Variants in LAMA2 observed in about 807,000 individuals in gnomAD.
LAMA2 encodes laminin subunit alpha-2.
In LAMA2, 269 loss-of-function variants were observed where a neutral mutation model predicts 364.8. That is an observed-to-expected ratio of 0.74 (90% CI 0.67 to 0.82). The LOEUF (loss-of-function observed/expected upper bound fraction) is 0.82, where lower values mean the gene tolerates loss of function less well. LAMA2 is among the 40% of genes least tolerant of loss of function. The probability of loss-of-function intolerance (pLI) is 0.00; values close to 1 mark genes in which losing one functional copy is unlikely to be tolerated. For synonymous variants in LAMA2, 1,379 were observed against 1,370.6 expected (o/e 1.01, Z -0.14); for missense variants, 3,807 against 3,873.2 (o/e 0.98, Z 0.45).
intron 43 of LAMA2, 146 bp from the exon 44 acceptor site, chr6:129,442,917 C>T: frequency 3.4e-6 from 2 of 585,460 alleles, no homozygotes; most frequent in Non-Finnish European, 6.0e-6. Flanking sequence ...ATAACAATTG[C>T]TTCAGTTAAA....
chr6:129,171,242 G>A (rs527268996), intron 9 of LAMA2, among the ~76,000 whole-genome samples: 225 of 152,198 alleles, frequency 1.5e-3, no homozygotes, highest in African/African-American at 5.1e-3. Flanking sequence ...TATTTTGCTC[G>A]TTAGTTGATG....
At chr6:129,123,859 AT>A (rs1402597757) in intron 4 of LAMA2, among the ~76,000 whole-genome samples, 1 of 152,130 alleles carries the variant, frequency 6.6e-6, no homozygotes, top group East Asian at 1.9e-4. Context: ...TATGCTTGAA[AT>A]TTTCCTAACA....
chr6:129,375,711 T>G (rs993106185), intron 34 of LAMA2, among the ~76,000 whole-genome samples: 1 of 152,230 alleles, frequency 6.6e-6, no homozygotes, highest in Non-Finnish European at 1.5e-5. Flanking sequence ...TAACACTTTC[T>G]TTGGTCTTCA....
At chr6:128,959,806 T>G (rs1370447660) in intron 1 of LAMA2, among the ~76,000 whole-genome samples, 1 of 152,098 alleles carries the variant, frequency 6.6e-6, no homozygotes, top group Non-Finnish European at 1.5e-5. Context: ...GGTAAACTTT[T>G]TATTGCCTCT....
intron 41 of LAMA2, among the ~76,000 whole-genome samples, chr6:129,433,083 G>C (rs1313234205): frequency 1.3e-5 from 2 of 152,158 alleles, no homozygotes; most frequent in African/African-American, 4.8e-5. Context: ...TAAGTAATCA[G>C]ATATACAGCA....
chr6:129,079,301 C>A (rs1328673017), intron 3 of LAMA2, among the ~76,000 whole-genome samples: 1 of 151,926 alleles, frequency 6.6e-6, no homozygotes, highest in African/African-American at 2.4e-5. Flanking sequence ...TCTTACTGTG[C>A]CTATTTTATA....
At chr6:129,475,087 TG>T (rs1784000919) in intron 52 of LAMA2, among the ~76,000 whole-genome samples, 1 of 152,108 alleles carries the variant, frequency 6.6e-6, no homozygotes, top group Non-Finnish European at 1.5e-5. Context: ...ATAGTGACAT[TG>T]TACATTTTCC....
intron 9 of LAMA2, among the ~76,000 whole-genome samples, chr6:129,176,554 A>G (rs538203484): frequency 7.1e-4 from 108 of 152,152 alleles, no homozygotes; most frequent in Non-Finnish European, 1.4e-3. Context: ...TTTATTTCCA[A>G]TATATTTTGT....
intron 37 of LAMA2, among the ~76,000 whole-genome samples, chr6:129,393,956 T>TG (rs1173503046): frequency 2.0e-5 from 3 of 152,218 alleles, no homozygotes; most frequent in Non-Finnish European, 4.4e-5. Context: ...CAGATAACAG[T>TG]TACTTCTCAA....
chr6:129,317,064 A>G (rs769126271), intron 27 of LAMA2, among the ~76,000 whole-genome samples: 1 of 152,148 alleles, frequency 6.6e-6, no homozygotes, highest in Non-Finnish European at 1.5e-5. Flanking sequence ...AGAGAGAATA[A>G]CTAATAGAGG....
intron 1 of LAMA2, among the ~76,000 whole-genome samples, chr6:128,907,956 G>T (rs1242740383): frequency 6.6e-6 from 1 of 152,020 alleles, no homozygotes; most frequent in African/African-American, 2.4e-5. Context: ...TGCGTATATT[G>T]AACCAGCCTT....
intron 1 of LAMA2, among the ~76,000 whole-genome samples, chr6:128,930,161 G>A (rs1779375515): frequency 6.6e-6 from 1 of 152,224 alleles, no homozygotes; most frequent in South Asian, 2.1e-4. Context: ...GCGGCACTGC[G>A]TTTGCTAGGC....
At chr6:129,237,120 A>T (rs1785047869) in intron 12 of LAMA2, among the ~76,000 whole-genome samples, 1 of 152,186 alleles carries the variant, frequency 6.6e-6, no homozygotes. Context: ...TAAGATTCTT[A>T]CCACATAAGG....
At position 129,345,166 on chromosome 6, in the gene LAMA2, C is replaced by T. The variant is rs138330919; in HGVS notation, c.4436+2699C>T. 2.6e-5 allele frequency among the ~76,000 whole-genome samples: 4 copies of T among 152,202 alleles called. No homozygotes were observed. In the East Asian group the frequency reaches 5.8e-4, roughly 22 times the overall value. On this transcript the variant is annotated intron_variant, in intron 30 of 64. Coordinates refer to ENST00000421865, the MANE Select transcript of LAMA2 (RefSeq NM_000426.4). ...TCATTTCTGAAGGAGTTCCAATGTC[C>T]AGGTTTTGATTTTGTCCCTGTCTTG...
intron 14 of LAMA2, among the ~76,000 whole-genome samples, chr6:129,257,846 T>G (rs1364554841): frequency 6.6e-6 from 1 of 152,146 alleles, no homozygotes; most frequent in Non-Finnish European, 1.5e-5. Context: ...GTAATTTGTC[T>G]TTTACTTTTC....
chr6:128,905,294 A>G (rs1777362173), intron 1 of LAMA2: 1 of 151,746 alleles, frequency 6.6e-6, no homozygotes, highest in East Asian at 1.9e-4. Flanking sequence ...ATTTATGTGG[A>G]TATGTGTAAT....
intron 17 of LAMA2, among the ~76,000 whole-genome samples, chr6:129,275,707 T>A (rs265390): frequency 0.99 from 148,184 of 150,248 alleles, 73,116 homozygotes; most frequent in Middle Eastern, 1. Context: ...ACATATCTTA[T>A]TTTGTTTAAA....
At chr6:129,201,479 C>T (rs1169440804) in intron 12 of LAMA2, among the ~76,000 whole-genome samples, 1 of 152,134 alleles carries the variant, frequency 6.6e-6, no homozygotes, top group Admixed American at 6.5e-5. Context: ...GAAACAATTC[C>T]TGAGCTGATA....
intron 4 of LAMA2, among the ~76,000 whole-genome samples, chr6:129,115,134 A>G (rs749118602): frequency 6.6e-6 from 1 of 152,070 alleles, no homozygotes; most frequent in Non-Finnish European, 1.5e-5. Flanking sequence ...GCAAAATGTT[A>G]CAGAGACACC....
Sources: allele counts gnomAD v4.1 joint callset (sites outside exome capture counted in the v4.1 genomes callset), GRCh38; gene constraint gnomAD v4.1.1; transcripts MANE v1.5; gene names NCBI Gene and HGNC (gene_info 2026-07-23, HGNC 2026-07-21).